The following XKR9 variants were observed in gnomAD, a reference collection of about 807,000 sequenced individuals.
XKR9 encodes XK related 9.
In XKR9, 32 loss-of-function variants were observed where a neutral mutation model predicts 32.0. That is an observed-to-expected ratio of 1.00 (90% CI 0.76 to 1.34). XKR9 has a LOEUF of 1.34. Among genes scored for constraint, XKR9 ranks in the 40% most tolerant of loss-of-function variants. XKR9 has a pLI of 0.00. For missense variants in XKR9, 546 were observed against 429.7 expected (o/e 1.27, Z -2.39); for synonymous variants, 168 against 143.4 (o/e 1.17, Z -1.22).
At chr8:70,738,405 C>A (rs1013969966), downstream of XKR9, among the ~76,000 whole-genome samples, 1 of 148,336 alleles carries the variant, frequency 6.7e-6, no homozygotes, top group African/African-American at 2.5e-5. Flanking sequence ...TTTTGTTGAT[C>A]CTTTCAAAAA....
At chr8:70,761,075 A>C (rs1328075186) in intron 2 of XKR9, among the ~76,000 whole-genome samples, 1 of 152,216 alleles carries the variant, frequency 6.6e-6, no homozygotes, top group Non-Finnish European at 1.5e-5. Context: ...AATATTCCAC[A>C]GTGCTTATGT....
the XKR9 span, among the ~76,000 whole-genome samples, chr8:70,952,728 A>G: frequency 6.6e-6 from 1 of 152,294 alleles, no homozygotes; most frequent in East Asian, 1.9e-4. Context: ...TAGGTGGGGT[A>G]TATTTATTGT....
chr8:70,968,316 T>A, the XKR9 span, among the ~76,000 whole-genome samples: 2 of 152,218 alleles, frequency 1.3e-5, no homozygotes, highest in Non-Finnish European at 2.9e-5. Context: ...CTGAACTGGA[T>A]ATTCTGGTTG....
At chr8:70,868,256 A>C in the XKR9 span, among the ~76,000 whole-genome samples, 1 of 152,234 alleles carries the variant, frequency 6.6e-6, no homozygotes, top group South Asian at 2.1e-4. Context: ...GTGGTTCCCC[A>C]GTTGGGACTC....
At chr8:70,824,213 G>C in the XKR9 span, among the ~76,000 whole-genome samples, 12 of 152,176 alleles carry the variant, frequency 7.9e-5, no homozygotes, top group South Asian at 2.5e-3. Context: ...TAATCATTTG[G>C]TTAACTTTAT....
chr8:70,770,153 T>C (rs1030920531), intron 2 of XKR9, among the ~76,000 whole-genome samples: 6 of 152,178 alleles, frequency 3.9e-5, no homozygotes, highest in Non-Finnish European at 7.3e-5. Context: ...TTGATGTTGA[T>C]GTTATTGCTT....
At chr8:70,858,506 A>C in the XKR9 span, among the ~76,000 whole-genome samples, 1 of 152,162 alleles carries the variant, frequency 6.6e-6, no homozygotes, top group African/African-American at 2.4e-5. Flanking sequence ...ATAGAAAAAA[A>C]ATCTTAAAAT....
At chr8:70,708,023 T>C (rs567438681) in intron 4 of XKR9, among the ~76,000 whole-genome samples, 11 of 152,188 alleles carry the variant, frequency 7.2e-5, no homozygotes, top group African/African-American at 2.6e-4. Flanking sequence ...TAGACTCACA[T>C]GTTATATCAG....
chr8:70,957,639 G>A, the XKR9 span, among the ~76,000 whole-genome samples: 1 of 152,114 alleles, frequency 6.6e-6, no homozygotes, highest in Non-Finnish European at 1.5e-5. Flanking sequence ...TGTGGTATTT[G>A]GTTTTCTCTT....
chr8:70,971,414 T>G, the XKR9 span, among the ~76,000 whole-genome samples: 48,396 of 152,004 alleles, frequency 0.32, 9,033 homozygotes, highest in Non-Finnish European at 0.43. Context: ...GTGTGGGTTA[T>G]CTGTTAACTC....
chr8:70,885,296 A>G, the XKR9 span, among the ~76,000 whole-genome samples: 2 of 152,172 alleles, frequency 1.3e-5, no homozygotes, highest in Non-Finnish European at 1.5e-5. Context: ...TGGATAATAT[A>G]CAAGGTACGT....
chr8:70,700,166 C>A (rs147560013), intron 3 of XKR9, among the ~76,000 whole-genome samples: 3,890 of 152,282 alleles, frequency 0.026, 66 homozygotes, highest in Middle Eastern at 0.037. Context: ...TCGTCTGAAG[C>A]CTTCTTCTCT....
the XKR9 span, among the ~76,000 whole-genome samples, chr8:70,889,501 C>CT: frequency 6.6e-6 from 1 of 151,758 alleles, no homozygotes; most frequent in African/African-American, 2.4e-5. Context: ...TTGATCTCAT[C>CT]ACCCAGGTCC....
the XKR9 span, among the ~76,000 whole-genome samples, chr8:70,889,119 T>A: frequency 6.6e-6 from 1 of 152,076 alleles, no homozygotes; most frequent in South Asian, 2.1e-4. Context: ...GCCCTGTCAA[T>A]TTCTTTCATC....
chr8:70,852,381 C>T, the XKR9 span, among the ~76,000 whole-genome samples: 1 of 152,128 alleles, frequency 6.6e-6, no homozygotes, highest in Admixed American at 6.5e-5. Context: ...GGTGATTCCT[C>T]AAGGATCTAG....
chr8:70,875,413 G>A, the XKR9 span, among the ~76,000 whole-genome samples: 4 of 152,160 alleles, frequency 2.6e-5, no homozygotes, highest in Non-Finnish European at 4.4e-5. Flanking sequence ...ACTTTATAGA[G>A]CAGGACACAT....
intron 3 of XKR9, among the ~76,000 whole-genome samples, chr8:70,789,920 T>TA (rs1807742534): frequency 6.6e-6 from 1 of 151,982 alleles, no homozygotes; most frequent in South Asian, 2.1e-4. Context: ...GAGTAACCAT[T>TA]AGCAACAATT....
At chr8:70,833,077 C>T in the XKR9 span, among the ~76,000 whole-genome samples, 1 of 152,154 alleles carries the variant, frequency 6.6e-6, no homozygotes, top group African/African-American at 2.4e-5. Flanking sequence ...ATTGGTTTGT[C>T]ATATCTTCTG....
At chr8:70,915,238 T>C in the XKR9 span, among the ~76,000 whole-genome samples, 1 of 152,036 alleles carries the variant, frequency 6.6e-6, no homozygotes, top group South Asian at 2.1e-4. Context: ...TAGGGGCAAC[T>C]GGGGAGGTTG....
Sources: gnomAD v4.1 joint callset for allele counts (sites outside exome capture counted in the v4.1 genomes callset) on GRCh38, gnomAD v4.1.1 for gene constraint, MANE v1.5 for transcripts, NCBI Gene and HGNC (gene_info 2026-07-23, HGNC 2026-07-21) for gene names.